TRPM3: variants seen among roughly 807,000 people sequenced by gnomAD.
TRPM3 encodes long transient receptor potential channel 3.
Under a neutral mutation model 181.2 loss-of-function variants are expected in TRPM3, and 77 were observed. The observed-to-expected ratio is 0.42, with a 90% confidence interval of 0.35 to 0.51. The LOEUF is 0.51. Among genes scored for constraint, TRPM3 ranks in the 20% least tolerant of loss-of-function variants. TRPM3 has a pLI of 0.01. For synonymous variants in TRPM3, 745 were observed against 796.4 expected, an observed-to-expected ratio of 0.94 and a Z score of 1.09; for missense variants, 1,759 against 2,196.7, an observed-to-expected ratio of 0.80 and a Z score of 3.98.
chr9:70,575,880 A>G (rs989991966), intron 22 of TRPM3, among the ~76,000 whole-genome samples: 15 of 152,234 alleles, frequency 9.9e-5, no homozygotes, highest in African/African-American at 3.6e-4. Flanking sequence ...CAGGCACTCC[A>G]TAACTATAAA....
rs747499170 is a variant in TRPM3, at chr9:70,531,500, A to T, written c.*4453T>A. The T allele has an allele frequency of 3.9e-5, 6 of 152,206 alleles. No homozygotes were observed. The highest frequency in any genetic ancestry group is 7.3e-5 in the Non-Finnish European group (5 of 68,048). 9.4% of individuals were successfully genotyped at this position (152,206 alleles called of 1,614,324 possible). On this transcript the variant is annotated 3_prime_UTR_variant, in exon 26 of 26. Transcript: ENST00000677713. Reference sequence around the variant, plus strand: ...CATGCATTTTGTTGACACAAAATTAAGACCAGGTTTGGAGAGAGATTACTT... The same window carrying T: ...CATGCATTTTGTTGACACAAAATTATGACCAGGTTTGGAGAGAGATTACTT...
chr9:70,793,434 T>A (rs1483569708), intron 6 of TRPM3: 7 of 138,684 alleles, frequency 5.0e-5, no homozygotes, highest in African/African-American at 2.0e-4. Context: ...AAAGCCTCAG[T>A]GACAGAGTGA....
At chr9:70,543,230 G>C (rs1195072930) in intron 25 of TRPM3, among the ~76,000 whole-genome samples, 1 of 152,076 alleles carries the variant, frequency 6.6e-6, no homozygotes, top group Non-Finnish European at 1.5e-5. Context: ...TACATAGTAG[G>C]TGTATATATT....
chr9:71,280,169 A>T (rs1450703215), intron 1 of TRPM3, among the ~76,000 whole-genome samples: 4 of 152,098 alleles, frequency 2.6e-5, no homozygotes, highest in Non-Finnish European at 5.9e-5. Flanking sequence ...ATGGTTTCCA[A>T]CATGGTAGTT....
intron 1 of TRPM3, among the ~76,000 whole-genome samples, chr9:71,290,718 T>C (rs1167371744): frequency 6.6e-6 from 1 of 152,066 alleles, no homozygotes; most frequent in Non-Finnish European, 1.5e-5. Flanking sequence ...TCCAAGACAA[T>C]TATACAAGTC....
At chr9:71,398,237 G>GA (rs1224320844) in intron 1 of TRPM3, among the ~76,000 whole-genome samples, 1 of 152,126 alleles carries the variant, frequency 6.6e-6, no homozygotes, top group Non-Finnish European at 1.5e-5. Context: ...AATGTTAATA[G>GA]AAAAAAGCTC....
chr9:70,906,355 C>T (rs1172674093), intron 1 of TRPM3, among the ~76,000 whole-genome samples: 5 of 152,222 alleles, frequency 3.3e-5, no homozygotes, highest in African/African-American at 4.8e-5. Flanking sequence ...CAATTAGCCT[C>T]GAATATGAGC....
At chr9:71,388,753 G>T (rs559291390) in intron 1 of TRPM3, among the ~76,000 whole-genome samples, 1 of 152,172 alleles carries the variant, frequency 6.6e-6, no homozygotes, top group South Asian at 2.1e-4. Context: ...CAACAAAAAA[G>T]AATTTTTTTC....
chr9:71,124,750 T>C (rs1056988288), upstream of TRPM3, among the ~76,000 whole-genome samples: 1 of 152,170 alleles, frequency 6.6e-6, no homozygotes, highest in Non-Finnish European at 1.5e-5. Flanking sequence ...TATAGTATTG[T>C]ACCACTTTGC....
intron 1 of TRPM3, among the ~76,000 whole-genome samples, chr9:71,119,892 C>T (rs535313130): frequency 6.6e-6 from 1 of 152,170 alleles, no homozygotes; most frequent in African/African-American, 2.4e-5. Context: ...CCAAACCTGC[C>T]TTTCCTCCTA....
At chr9:71,407,961 G>T (rs1276032021) in intron 1 of TRPM3, among the ~76,000 whole-genome samples, 1 of 152,204 alleles carries the variant, frequency 6.6e-6, no homozygotes, top group Non-Finnish European at 1.5e-5. Context: ...GGCAAATAGG[G>T]CCCGGAGTGG....
chr9:71,079,797 C>G (rs2063969997), intron 1 of TRPM3, among the ~76,000 whole-genome samples: 1 of 152,112 alleles, frequency 6.6e-6, no homozygotes, highest in African/African-American at 2.4e-5. Context: ...GCTCCTATAT[C>G]CTGAAATGGA....
chr9:70,541,887 C>T (rs1336538109), intron 25 of TRPM3, among the ~76,000 whole-genome samples: 1 of 152,138 alleles, frequency 6.6e-6, no homozygotes, highest in Non-Finnish European at 1.5e-5. Flanking sequence ...CTTTGGGAGG[C>T]CAAGGCAGAT....
At chr9:71,149,238 A>G (rs934720348) in intron 1 of TRPM3, among the ~76,000 whole-genome samples, 6 of 152,012 alleles carry the variant, frequency 3.9e-5, no homozygotes, top group African/African-American at 1.4e-4. Context: ...AGTCTCTACA[A>G]AAAATAATTT....
chr9:71,187,889 TGATAGATAGATAGATAGATAGATAGATA>T (rs5898183), intron 1 of TRPM3, among the ~76,000 whole-genome samples: 123 of 146,212 alleles, frequency 8.4e-4, no homozygotes, highest in Non-Finnish European at 6.3e-4. Context: ...GGCAGACAGA[TGATAGATAGATAGATAGATAGATAGATA>T]GATAGATAGA....
chr9:71,211,776 C>G (rs571272523), intron 1 of TRPM3, among the ~76,000 whole-genome samples: 14 of 152,160 alleles, frequency 9.2e-5, no homozygotes, highest in Non-Finnish European at 1.6e-4. Context: ...AATTAAGGGC[C>G]CATTCTACTT....
chr9:71,271,709 G>A (rs760109574), intron 1 of TRPM3, among the ~76,000 whole-genome samples: 1 of 151,904 alleles, frequency 6.6e-6, no homozygotes. Flanking sequence ...ACTGGCGAAC[G>A]TACCTCCATG....
At chr9:71,316,439 G>A (rs555221857) in intron 1 of TRPM3, among the ~76,000 whole-genome samples, 3 of 152,296 alleles carry the variant, frequency 2.0e-5, no homozygotes, top group Admixed American at 6.5e-5. Context: ...TTGCAAAGGG[G>A]ATTTTGCAGT....
Position 71,121,539 on chromosome 9 carries a change from G to A in TRPM3, c.-185C>T, listed in dbSNP as rs75016446. 0.033 allele frequency: 46,543 copies of A among 1,389,744 alleles called. 897 individuals are homozygous for A. The highest frequency in any genetic ancestry group is 0.039 in the Non-Finnish European group (41,783 of 1,074,794). 86.1% of individuals were successfully genotyped at this position (1,389,744 alleles called of 1,614,324 possible). On this transcript the variant is annotated 5_prime_UTR_variant, in exon 1 of 26. Coordinates refer to ENST00000677713, the MANE Select transcript of TRPM3 (RefSeq NM_001366145.2). Reference sequence around the variant, plus strand: ...GGAGGCACACTGCCTGCTGCTTCGGGGAGGGGATGCACGATTTTGAAGAAG... The same window carrying A: ...GGAGGCACACTGCCTGCTGCTTCGGAGAGGGGATGCACGATTTTGAAGAAG...
Sources: gnomAD v4.1 joint callset for allele counts (sites outside exome capture counted in the v4.1 genomes callset) on GRCh38, gnomAD v4.1.1 for gene constraint, MANE v1.5 for transcripts, NCBI Gene and HGNC (gene_info 2026-07-23, HGNC 2026-07-21) for gene names.